The following C5 variants were observed in gnomAD, a reference collection of about 807,000 sequenced individuals.
C5 encodes C3 and PZP-like alpha-2-macroglobulin domain-containing protein 4.
In C5, 140 loss-of-function variants were observed where a neutral mutation model predicts 218.8. The observed-to-expected ratio is 0.64, with a 90% CI of 0.56 to 0.74. The LOEUF (loss-of-function observed/expected upper bound fraction) is 0.74, where lower values mean the gene tolerates loss of function less well. C5 is among the 30% of genes least tolerant of loss of function. C5 has a pLI of 0.00. For synonymous variants in C5, 614 were observed against 682.3 expected, an observed-to-expected ratio of 0.90 and a Z score of 1.56; for missense variants, 1,700 against 1,969.6, an observed-to-expected ratio of 0.86 and a Z score of 2.59.
chr9:120,997,318 T>G (rs1001298174), intron 21 of C5, among the ~76,000 whole-genome samples: 2 of 152,338 alleles, frequency 1.3e-5, no homozygotes, highest in East Asian at 3.8e-4. Flanking sequence ...TTTCAGTATT[T>G]TATATTTTCT....
At chr9:121,032,049 C>T (rs1422808866) in intron 6 of C5, 64 bp downstream of exon 6, 38 of 957,274 alleles carry the variant, frequency 4.0e-5, no homozygotes, top group South Asian at 7.8e-5. Flanking sequence ...GGCAACAGAG[C>T]GAGACTCCAT....
At chr9:121,015,171 T>C in intron 16 of C5, 28 bp downstream of exon 16, 2 of 1,471,770 alleles carry the variant, frequency 1.4e-6, no homozygotes, top group Non-Finnish European at 1.9e-6. Flanking sequence ...ACCATAACCT[T>C]TTTACAATCA....
At chr9:120,966,217 A>G (rs1241843424) in intron 33 of C5, among the ~76,000 whole-genome samples, 5 of 152,238 alleles carry the variant, frequency 3.3e-5, no homozygotes, top group African/African-American at 4.8e-5. Context: ...CCCAATTTGT[A>G]AAAACCAAAG....
rs1214836550 is a variant in C5 at position 121,002,298 on chromosome 9, GTA to G, written c.2562+3619_2562+3620del. The stretch of plus-strand genomic sequence containing the variant: ...TATATATACGTATATATGTATATAT[GTA>G]TATATATATGTGTGTGTATATATAT... On this transcript the variant is annotated intron_variant, in intron 20 of 40. Coordinates refer to ENST00000223642, the MANE Select transcript of C5 (RefSeq NM_001735.3). Among the ~76,000 whole-genome samples the G allele has an allele frequency of 2.7e-3, 267 of 100,018 alleles. 4 individuals are homozygous for G. Among genetic ancestry groups the G allele is most frequent in the African/African-American group, 8.8e-3 (242 of 27,522 alleles). 65.6% of individuals were successfully genotyped at this position (100,018 alleles called of 152,430 possible). A position where few individuals can be genotyped will look rare whatever the true frequency, so the allele number is the denominator to read the frequency against.
the C5 span, chr9:121,074,655 G>A: frequency 5.3e-6 from 2 of 375,454 alleles, no homozygotes; most frequent in Admixed American, 3.2e-5. Context: ...GTGTTTCAGA[G>A]GGTGGCGGCG....
chr9:120,981,797 G>A (rs1459711638), intron 27 of C5, 47 bp downstream of exon 27: 2 of 1,293,046 alleles, frequency 1.5e-6, no homozygotes, highest in East Asian at 2.3e-5. Context: ...CCAGTATATA[G>A]TACAGAAATA....
At chr9:121,074,513 G>A in the C5 span, among the ~76,000 whole-genome samples, 1 of 152,202 alleles carries the variant, frequency 6.6e-6, no homozygotes, top group South Asian at 2.1e-4. Context: ...CTTTAGATAC[G>A]ACTGTCAGAG....
chr9:121,042,862 G>A (rs1275038374), intron 3 of C5, 142 bp downstream of exon 3: 1 of 626,032 alleles, frequency 1.6e-6, no homozygotes, highest in Non-Finnish European at 2.8e-6. Flanking sequence ...TGTAAGTATA[G>A]ATGTCTTTGG....
At chr9:121,041,319 T>TTTTTTG in intron 3 of C5, among the ~76,000 whole-genome samples, 1 of 145,576 alleles carries the variant, frequency 6.9e-6, no homozygotes, top group East Asian at 2.0e-4. Flanking sequence ...TTTTTTTTTT[T>TTTTTTG]GCTGAGACGA....
intron 17 of C5, among the ~76,000 whole-genome samples, 174 bp downstream of exon 17, chr9:121,013,699 T>C (rs147117992): frequency 1.3e-5 from 2 of 152,128 alleles, no homozygotes; most frequent in East Asian, 3.8e-4. Flanking sequence ...TGCTCTGTAC[T>C]GTACCTCTTC....
the C5 span, among the ~76,000 whole-genome samples, chr9:121,070,392 T>TATATATAG: frequency 2.3e-5 from 1 of 44,398 alleles, no homozygotes; most frequent in Non-Finnish European, 5.6e-5. Flanking sequence ...GTGATATATA[T>TATATATAG]ATATATATAT....
At chr9:121,037,816 T>A (rs10818499) in intron 4 of C5, 65 bp downstream of exon 4, 319,250 of 726,338 alleles carry the variant, frequency 0.44, 75,787 homozygotes, top group South Asian at 0.64. Context: ...AGGACAGGGT[T>A]ATGAAATGAG....
Position 121,021,433 on chromosome 9 carries a change from G to C in C5, c.1302+76C>G, listed in dbSNP as rs1031105342. ...CTCATGTGTAAAATCTGCCGCATCT[G>C]TTCTGCACACTAGCCAAAACACATG... is the stretch of plus-strand genomic sequence containing the variant. On this transcript the variant is annotated intron_variant, in intron 11 of 40. Coordinates refer to ENST00000223642, the MANE Select transcript of C5 (RefSeq NM_001735.3). 3.3e-6 allele frequency: 4 copies of C among 1,215,462 alleles called. No homozygotes were observed. In the East Asian group the frequency reaches 7.1e-5, roughly 22 times the overall value. 75.3% of individuals were successfully genotyped at this position (1,215,462 alleles called of 1,614,324 possible).
intron 25 of C5, among the ~76,000 whole-genome samples, chr9:120,983,154 T>C (rs1029572289): frequency 3.3e-5 from 5 of 152,116 alleles, no homozygotes; most frequent in East Asian, 1.9e-4. Context: ...ACATGAGACA[T>C]GAAAGAGTAA....
chr9:121,025,550 C>A lies in C5; in HGVS notation c.904G>T (p.Asp302Tyr). 1.2e-6 allele frequency: 2 copies of A among 1,612,810 alleles called. No homozygotes were observed. The highest frequency in any genetic ancestry group is 1.1e-5 in the South Asian group (1 of 91,020). ...LINGIAQVTF[D>Y]SETAVKELSY... ...AGTTCTTTGACTGCTGTTTCAGAAT[C>A]AAATGTGACTTGAGCAATTCCATTT... Residue 302 changes from aspartate (D) to tyrosine (Y), a missense_variant, in exon 9 of 41, where the codon GAT (aspartate) becomes TAT (tyrosine). Transcript: ENST00000223642.
intron 38 of C5, 92 bp from the exon 39 acceptor site, chr9:120,957,460 T>A: frequency 1.1e-6 from 1 of 919,668 alleles, no homozygotes; most frequent in Non-Finnish European, 1.8e-6. Flanking sequence ...ACACGAGAAA[T>A]GAAGCATGGC....
the C5 span, among the ~76,000 whole-genome samples, chr9:121,055,386 AAC>A: frequency 6.6e-6 from 1 of 152,090 alleles, no homozygotes. Context: ...CTTAGGGTGC[AAC>A]ACAGTTTAAC....
In C5 at chr9:120,997,726, G is replaced by C. The variant is rs777103292; in HGVS notation, c.2611C>G (p.Pro871Ala). The C allele has an allele frequency of 4.3e-6, 7 of 1,614,044 alleles. No homozygotes were observed. The South Asian group carries it at 5.5e-5, about 13-fold the overall frequency. The change falls in exon 21 of 41, where the codon CCA becomes GCA. Residue 871 changes from proline to alanine, a missense_variant. By Grantham distance (27) the Pro-to-Ala change is conservative. Transcript: ENST00000223642. Reference protein sequence around the residue: ...AVEGICTSESPVIDHQGTKSS... With the variant: ...AVEGICTSESAVIDHQGTKSS... ...TTTGTGCCCTGATGATCAATGACTG[G>C]GCTTTCCGAAGTGCAGATTCCCTCC...
intron 8 of C5, 33 bp from the exon 9 acceptor site, chr9:121,025,613 C>T (rs373633393): frequency 1.7e-5 from 28 of 1,600,370 alleles, no homozygotes; most frequent in African/African-American, 1.6e-4. Flanking sequence ...GGAGTTATTT[C>T]GGAGAAGAAC....
Sources: allele counts gnomAD v4.1 joint callset (sites outside exome capture counted in the v4.1 genomes callset), GRCh38; gene constraint gnomAD v4.1.1; transcripts MANE v1.5; gene names NCBI Gene and HGNC (gene_info 2026-07-23, HGNC 2026-07-21).